The following SLC13A5 variants were observed in gnomAD, a reference collection of about 807,000 sequenced individuals.
The protein encoded by SLC13A5 is solute carrier family 13 member 5.
A neutral mutation model predicts 56.5 loss-of-function variants in SLC13A5; 25 were observed. The ratio of observed to expected loss-of-function variants is 0.44; its 90% CI spans 0.32 to 0.62. The LOEUF (loss-of-function observed/expected upper bound fraction) is 0.62, where lower values mean the gene tolerates loss of function less well. Among genes scored for constraint, SLC13A5 ranks in the 20% least tolerant of loss-of-function variants. The probability of loss-of-function intolerance (pLI) is 0.04; values close to 1 mark genes in which losing one functional copy is unlikely to be tolerated. For missense variants in SLC13A5, 649 were observed against 737.8 expected, an observed-to-expected ratio of 0.88 and a Z score of 1.39; for synonymous variants, 307 against 301.5, an observed-to-expected ratio of 1.02 and a Z score of -0.19.
In SLC13A5 at chr17:6,706,776, C is replaced by G; in HGVS notation, c.234G>C (p.Val78=). ...PLFQILDSRQ[V]CVQYMKDTNM... ...TGGTGTCCTTCATGTACTGGACACACACCTGGAGCGTGGCACGAAGGCCTC... is the reference window on the plus strand; with the variant it reads ...TGGTGTCCTTCATGTACTGGACACAGACCTGGAGCGTGGCACGAAGGCCTC... The change falls in exon 3 of 12, where the codon GTG becomes GTC. Residue 78 remains valine (V), a splice_region_variant and synonymous_variant. Coordinates refer to ENST00000433363, the MANE Select transcript of SLC13A5 (RefSeq NM_177550.5). The G allele has an allele frequency of 3.1e-6, 5 of 1,614,032 alleles. No individual in the cohort carries two copies. The highest frequency in any genetic ancestry group is 4.2e-6 in the Non-Finnish European group (5 of 1,179,978).
At position 6,706,653 on chromosome 17, in the gene SLC13A5, G is replaced by A. The variant is rs748950933; in HGVS notation, c.357C>T (p.Ala119=). 29 of 1,613,598 alleles carry A rather than the reference G, an allele frequency of 1.8e-5. No individual in the cohort carries two copies. The African/African-American group carries it at 3.2e-4, about 18-fold the overall frequency. ...GAAGGCGTAATTACCGTGCAGGCTT[G>A]GCCCCCACCCAGAGGAGCGTGCGCA... is the stretch of plus-strand genomic sequence containing the variant. ...IALRTLLWVG[A]KPARLMLGFM... is the part of the protein sequence containing the mutation. Residue 119 remains alanine (A), a synonymous_variant, in exon 3 of 12, where the codon GCC becomes GCT. Transcript: ENST00000433363.
chr17:6,690,001 G>GGATC (rs1276710670), intron 10 of SLC13A5: 1 of 135,968 alleles, frequency 7.4e-6, no homozygotes, highest in Non-Finnish European at 1.5e-5. Context: ...GCGAGACCAG[G>GGATC]GATCTTTCCA....
chr17:6,696,331 G>C (rs1027241343), intron 6 of SLC13A5, among the ~76,000 whole-genome samples: 1 of 152,212 alleles, frequency 6.6e-6, no homozygotes, highest in Non-Finnish European at 1.5e-5. Context: ...GTGTTGGGAT[G>C]CCAACCCCCA....
intron 3 of SLC13A5, among the ~76,000 whole-genome samples, chr17:6,706,438 A>G (rs1237291397): frequency 2.6e-5 from 4 of 152,094 alleles, no homozygotes; most frequent in Non-Finnish European, 5.9e-5. Context: ...GAGGACCCTT[A>G]CTTACTGCTG....
chr17:6,686,389 C>T, intron 11 of SLC13A5, 51 bp from the exon 12 acceptor site: 1 of 1,610,822 alleles, frequency 6.2e-7, no homozygotes, highest in Non-Finnish European at 8.5e-7. Context: ...GACTAGTGCT[C>T]TCAGAGAGGA....
chr17:6,703,925 T>A lies in SLC13A5; in HGVS notation c.500A>T (p.Glu167Val). 6.3e-7 allele frequency: 1 copy of A among 1,596,922 alleles called. No individual in the cohort carries two copies. ...QQMEATSAAT[E>V]AGLELVDKGK... ...CTTGTCCACCAGCTCCAGGCCGGCC[T>A]CGGTGGCTGCGCTTGTGGCTTCCAT... is the stretch of plus-strand genomic sequence containing the variant. Residue 167 changes from glutamate (E) to valine (V), a missense_variant, in exon 4 of 12, where the codon GAG becomes GTG. Glu to Val is a moderately radical substitution (Grantham distance 121). Transcript: ENST00000433363.
chr17:6,694,511 G>A (rs1250957421), intron 7 of SLC13A5, among the ~76,000 whole-genome samples: 3 of 152,132 alleles, frequency 2.0e-5, no homozygotes, highest in East Asian at 1.9e-4. Flanking sequence ...CCAGCTACTC[G>A]GCAGGCTGAG....
chr17:6,700,445 G>A (rs528147231), intron 6 of SLC13A5, among the ~76,000 whole-genome samples: 6 of 152,330 alleles, frequency 3.9e-5, no homozygotes, highest in South Asian at 2.1e-4. Flanking sequence ...GAGCGTATGC[G>A]CTCAGCTCAG....
At chr17:6,689,338 C>T (rs1973333047) in intron 10 of SLC13A5, 1 of 152,266 alleles carries the variant, frequency 6.6e-6, no homozygotes, top group Non-Finnish European at 1.5e-5. Context: ...ACCTCACACT[C>T]CTCTGCAGCC....
chr17:6,694,663 CA>C (rs1012863200), intron 7 of SLC13A5, among the ~76,000 whole-genome samples: 1 of 152,114 alleles, frequency 6.6e-6, no homozygotes, highest in Non-Finnish European at 1.5e-5. Context: ...GGCTAGAAAT[CA>C]AGATGCCCAC....
Position 6,703,011 on chromosome 17 carries a change from G to A in SLC13A5, c.675C>T (p.Thr225=), listed in dbSNP as rs766223341. ...GGAGCACCACGTTGGGTCCCGTCCC[G>A]GTCAGGGTGGCGGTGCCCCCGATGC... ...AASIGGTATL[T]GTGPNVVLLG... is the part of the protein sequence containing the mutation. Residue 225 remains threonine, a synonymous_variant, in exon 5 of 12, where the codon ACC becomes ACT. Transcript: ENST00000433363. 1.3e-5 allele frequency: 21 copies of A among 1,614,100 alleles called. No individual in the cohort carries two copies. Among genetic ancestry groups the A allele is most frequent in the South Asian group, 2.2e-5 (2 of 91,088 alleles).
intron 9 of SLC13A5, among the ~76,000 whole-genome samples, chr17:6,691,881 G>C (rs955603198): frequency 6.6e-6 from 1 of 152,114 alleles, no homozygotes; most frequent in African/African-American, 2.4e-5. Context: ...CTCTATCTTG[G>C]GGCCCTCAGA....
At position 6,692,200 on chromosome 17, in the gene SLC13A5, G is replaced by C. The variant is rs1326764497; in HGVS notation, c.1275+844C>G. Among the ~76,000 whole-genome samples the C allele has an allele frequency of 6.6e-6, 1 of 151,312 alleles. No homozygotes were observed. Among genetic ancestry groups the C allele is most frequent in the Non-Finnish European group, 1.5e-5 (1 of 67,772 alleles). ...GGATGGATGGATGGATAGATAGATG[G>C]GTGGATAGATAGATGGGTGGATGGA... is the stretch of plus-strand genomic sequence containing the variant. On this transcript the variant is annotated intron_variant, in intron 9 of 11. Coordinates refer to ENST00000433363, the MANE Select transcript of SLC13A5 (RefSeq NM_177550.5). The surrounding 1 kb of genome is among the most constrained non-coding windows in gnomAD (Gnocchi z 5.5).
intron 3 of SLC13A5, among the ~76,000 whole-genome samples, chr17:6,705,812 TG>T (rs528921258): frequency 1.3e-5 from 2 of 152,170 alleles, no homozygotes; most frequent in Non-Finnish European, 2.9e-5. Flanking sequence ...GGGGACACAT[TG>T]TCTCAAAAGG....
rs369696664 is a variant in SLC13A5, at chr17:6,693,003, G to A, written c.1275+41C>T. 137 of 1,501,310 alleles carry A rather than the reference G, an allele frequency of 9.1e-5. 1 individual carries two copies. The African/African-American group carries it at 1.3e-3, about 15-fold the overall frequency. The allele number at this position is 1,501,310 out of a possible 1,614,324, so 93.0% of individuals were successfully genotyped here. ...GGTGGAGAAACGCCACCCTCTTGAC[G>A]AAGAAGAGGGCTCTGGGCAGCCTGT... is the stretch of plus-strand genomic sequence containing the variant. On this transcript the variant is annotated intron_variant, in intron 9 of 11. Coordinates refer to ENST00000433363, the MANE Select transcript of SLC13A5 (RefSeq NM_177550.5).
chr17:6,684,831 C>T lies in SLC13A5; in HGVS notation c.*1376G>A, dbSNP rs1179424189. The T allele has an allele frequency of 6.6e-6, 1 of 152,210 alleles. No homozygotes were observed. Among genetic ancestry groups the T allele is most frequent in the East Asian group, 1.9e-4 (1 of 5,198 alleles). The allele number at this position is 152,210 out of a possible 1,614,324, so 9.4% of individuals were successfully genotyped here. A position where few individuals can be genotyped will look rare whatever the true frequency, so the allele number is the denominator to read the frequency against. On this transcript the variant is annotated 3_prime_UTR_variant, in exon 12 of 12. Transcript: ENST00000433363. Reference sequence around the variant, plus strand: ...CGGTCCTTGATGGGGTTTCCTGAGGCTCTCATACTTTCTCCTGCCCTGGAA... The same window carrying T: ...CGGTCCTTGATGGGGTTTCCTGAGGTTCTCATACTTTCTCCTGCCCTGGAA...
intron 3 of SLC13A5, among the ~76,000 whole-genome samples, chr17:6,706,054 C>T (rs1378379153): frequency 6.6e-6 from 1 of 152,056 alleles, no homozygotes; most frequent in Admixed American, 6.5e-5. Context: ...ACTCAATATA[C>T]CCATTATGAT....
chr17:6,709,498 G>T (rs1012902727), intron 1 of SLC13A5, among the ~76,000 whole-genome samples: 1 of 152,034 alleles, frequency 6.6e-6, no homozygotes, highest in African/African-American at 2.4e-5. Context: ...TTGATCTCCT[G>T]GCCTCGTGAT....
chr17:6,690,854 C>A lies in SLC13A5; in HGVS notation c.1362G>T (p.Leu454Phe). 5.0e-6 allele frequency: 8 copies of A among 1,614,224 alleles called. No homozygotes were observed. Among genetic ancestry groups the A allele is most frequent in the Non-Finnish European group, 6.8e-6 (8 of 1,180,032 alleles). The change falls in exon 10 of 12, where the codon TTG becomes TTT. Residue 454 changes from leucine to phenylalanine, a missense_variant. Leu to Phe is a conservative substitution (Grantham distance 22). Coordinates refer to ENST00000433363, the MANE Select transcript of SLC13A5 (RefSeq NM_177550.5). The stretch of plus-strand genomic sequence containing the variant: ...TGCACTCAGTGAACACGGCAACGAG[C>A]AAGGACAAGATCAAGGTGATGGCTG... The part of the protein sequence containing the change: ...PPAAITLILS[L>F]LVAVFTECTS...
Sources: gnomAD v4.1 joint callset for allele counts (sites outside exome capture counted in the v4.1 genomes callset) on GRCh38, gnomAD v4.1.1 for gene constraint, Gnocchi (gnomAD v3.1) non-coding constraint, MANE v1.5 for transcripts, NCBI Gene and HGNC (gene_info 2026-07-23, HGNC 2026-07-21) for gene names.